The following FAM135B variants were observed in gnomAD, a reference collection of about 807,000 sequenced individuals.
FAM135B encodes the protein protein FAM135B.
A neutral mutation model predicts 127.7 loss-of-function variants in FAM135B; 43 were observed. That is an observed-to-expected ratio of 0.34 (90% CI 0.26 to 0.43). FAM135B has a LOEUF of 0.43. FAM135B is among the 20% of genes least tolerant of loss of function. The pLI is 1.00. For synonymous variants in FAM135B, 670 were observed against 665.1 expected, an observed-to-expected ratio of 1.01 and a Z score of -0.11; for missense variants, 1,558 against 1,725.6, an observed-to-expected ratio of 0.90 and a Z score of 1.72.
At chr8:138,135,985 G>A (rs1412817375) in intron 19 of FAM135B, among the ~76,000 whole-genome samples, 4 of 151,880 alleles carry the variant, frequency 2.6e-5, no homozygotes, top group Non-Finnish European at 5.9e-5. Context: ...TGATAGAGGT[G>A]GAGTTAGAAA....
intron 2 of FAM135B, among the ~76,000 whole-genome samples, chr8:138,366,915 C>T (rs1413163342): frequency 1.3e-5 from 2 of 152,064 alleles, no homozygotes; most frequent in African/African-American, 2.4e-5. Flanking sequence ...TTGTGTATTT[C>T]CCCTCTTGAT....
chr8:138,258,229 T>G (rs576883901), intron 4 of FAM135B, among the ~76,000 whole-genome samples: 17 of 152,376 alleles, frequency 1.1e-4, no homozygotes, highest in African/African-American at 3.8e-4. Context: ...TTGGTTTTTG[T>G]TTCTTTGCAA....
intron 2 of FAM135B, among the ~76,000 whole-genome samples, chr8:138,347,974 T>G (rs1449021559): frequency 2.6e-5 from 4 of 152,026 alleles, no homozygotes; most frequent in Non-Finnish European, 5.9e-5. Flanking sequence ...ACAGTAAATG[T>G]TCAGTGACTG....
chr8:138,155,692 A>T lies in FAM135B; in HGVS notation c.1259-2476T>A, dbSNP rs928185332. Among the ~76,000 whole-genome samples the T allele has an allele frequency of 5.9e-5, 9 of 152,212 alleles. 1 individual carries two copies. The highest frequency in any genetic ancestry group is 4.1e-4 in the South Asian group (2 of 4,830). On this transcript the variant is annotated intron_variant, in intron 12 of 19. Coordinates refer to ENST00000395297, the MANE Select transcript of FAM135B (RefSeq NM_015912.4). The stretch of plus-strand genomic sequence containing the variant: ...TTTAAACCAACAAAGACCAAAAAAG[A>T]CAAAGAAAGCCATTACATAATGGTA...
At chr8:138,384,558 T>C (rs17667231) in intron 1 of FAM135B, among the ~76,000 whole-genome samples, 24,606 of 151,950 alleles carry the variant, frequency 0.16, 2,328 homozygotes, top group Non-Finnish European at 0.22. Flanking sequence ...GGGGCAAGAC[T>C]ATCTGCTCCC....
chr8:138,480,411 T>C (rs1458610595), intron 1 of FAM135B, among the ~76,000 whole-genome samples: 4 of 152,186 alleles, frequency 2.6e-5, no homozygotes, highest in African/African-American at 9.7e-5. Context: ...GGTTGTATAA[T>C]AAAATCCTAA....
intron 1 of FAM135B, among the ~76,000 whole-genome samples, chr8:138,397,384 C>T (rs1032219152): frequency 2.6e-5 from 4 of 152,134 alleles, no homozygotes; most frequent in African/African-American, 7.2e-5. Flanking sequence ...TATGAGGTTT[C>T]CTTTTAGAGT....
chr8:138,301,221 C>T (rs940455105), intron 3 of FAM135B, among the ~76,000 whole-genome samples: 1 of 152,136 alleles, frequency 6.6e-6, no homozygotes, highest in African/African-American at 2.4e-5. Flanking sequence ...CAGAACAGTT[C>T]TCCCCACACT....
chr8:138,192,705 T>A (rs74759759), intron 9 of FAM135B, among the ~76,000 whole-genome samples: 1,554 of 152,266 alleles, frequency 0.01, 8 homozygotes, highest in Non-Finnish European at 0.016. Flanking sequence ...TGGCCCCTAC[T>A]CAGCAAATTA....
chr8:138,143,347 T>A (rs1236499988), intron 15 of FAM135B, among the ~76,000 whole-genome samples: 1 of 152,142 alleles, frequency 6.6e-6, no homozygotes, highest in East Asian at 1.9e-4. Context: ...GACACTGAAG[T>A]AGCAAGCTTG....
At chr8:138,223,161 T>A (rs1436962729) in intron 7 of FAM135B, among the ~76,000 whole-genome samples, 1 of 152,202 alleles carries the variant, frequency 6.6e-6, no homozygotes, top group Non-Finnish European at 1.5e-5. Context: ...CAGTGGTGAT[T>A]TCTCCCTCTA....
Position 138,167,902 on chromosome 8 carries a change from A to G in FAM135B, c.1251T>C (p.Pro417=), listed in dbSNP as rs1283157158. The change falls in exon 12 of 20, where the codon CCT becomes CCC. Residue 417 remains proline, a synonymous_variant. Coordinates refer to ENST00000395297, the MANE Select transcript of FAM135B (RefSeq NM_015912.4). ...AAAACAAAACAGACAAACCTGTCGC[A>G]GGGCAGTCCACGTATCTGTCCTCAA... ...VIFEDRYVDC[P]ATGHNLSVYP... 1.2e-6 allele frequency: 2 copies of G among 1,610,336 alleles called. No homozygotes were observed. The highest frequency in any genetic ancestry group is 2.2e-5 in the East Asian group (1 of 44,612).
In FAM135B at chr8:138,153,048, A is replaced by C; in HGVS notation, c.1427T>G (p.Val476Gly). Reference protein sequence around the residue: ...KPSQMDSDEEVIRCPEPGENV... With the variant: ...KPSQMDSDEEGIRCPEPGENV... ...CTCACCTGGCTCTGGACACCTTATAACTTCTTCATCAGAATCCATTTGGGA... is the reference window on the plus strand; with the variant it reads ...CTCACCTGGCTCTGGACACCTTATACCTTCTTCATCAGAATCCATTTGGGA... The change falls in exon 13 of 20, where the codon GTT becomes GGT. Residue 476 changes from valine to glycine, a missense_variant. Around this residue, in one of 5 missense-constraint regions of FAM135B, gnomAD observed 923 missense variants for 865.3 expected, o/e 1.07. Coordinates refer to ENST00000395297, the MANE Select transcript of FAM135B (RefSeq NM_015912.4). The C allele has an allele frequency of 6.2e-7, 1 of 1,614,152 alleles. No individual in the cohort carries two copies. Among genetic ancestry groups the C allele is most frequent in the Non-Finnish European group, 8.5e-7 (1 of 1,180,028 alleles).
Position 138,339,358 on chromosome 8 carries a change from A to AATAT in FAM135B, c.78-28442_78-28439dup, listed in dbSNP as rs143774221. Among the ~76,000 whole-genome samples, 1,366 of 147,686 alleles carry AATAT rather than the reference A, an allele frequency of 9.2e-3. 26 individuals are homozygous for AATAT. Among genetic ancestry groups the AATAT allele is most frequent in the African/African-American group, 0.033 (1,273 of 39,068 alleles). Reference sequence around the variant, plus strand: ...TGCATCCTGTTTAAAAAACTAACTAAATATATATATATATATATATATATA... The same window carrying AATAT: ...TGCATCCTGTTTAAAAAACTAACTAAATATATATATATATATATATATATATATA... On this transcript the variant is annotated intron_variant, in intron 2 of 19. Coordinates refer to ENST00000395297, the MANE Select transcript of FAM135B (RefSeq NM_015912.4).
chr8:138,472,932 C>T (rs1386132559), intron 1 of FAM135B, among the ~76,000 whole-genome samples: 1 of 152,120 alleles, frequency 6.6e-6, no homozygotes, highest in Admixed American at 6.5e-5. Flanking sequence ...AAATGGAGCA[C>T]ATTTTATCTG....
At chr8:138,470,465 A>G (rs951241340) in intron 1 of FAM135B, among the ~76,000 whole-genome samples, 7 of 152,154 alleles carry the variant, frequency 4.6e-5, no homozygotes, top group Non-Finnish European at 8.8e-5. Flanking sequence ...CTTGCGGATG[A>G]TATTTTTATA....
chr8:138,414,460 G>A (rs1266193562), intron 1 of FAM135B, among the ~76,000 whole-genome samples: 6 of 151,998 alleles, frequency 3.9e-5, no homozygotes, highest in Non-Finnish European at 7.4e-5. Flanking sequence ...CTTCATTCCC[G>A]AAACACCCCC....
At chr8:138,161,174 T>C (rs1318303066) in intron 12 of FAM135B, among the ~76,000 whole-genome samples, 1 of 152,186 alleles carries the variant, frequency 6.6e-6, no homozygotes, top group Non-Finnish European at 1.5e-5. Context: ...CAAGCTTGAA[T>C]TCTATTCAGA....
intron 7 of FAM135B, among the ~76,000 whole-genome samples, chr8:138,206,436 TCATCCCCTCCATCTACACACAACTCCAG>T (rs1817622813): frequency 1.6e-4 from 23 of 145,496 alleles, no homozygotes; most frequent in East Asian, 6.6e-4. Flanking sequence ...CACAGCTCTA[TCATCCCCTCCATCTACACACAACTCCAG>T]CATCCCCTCC....
Sources: gnomAD v4.1 joint callset for allele counts (sites outside exome capture counted in the v4.1 genomes callset) on GRCh38, gnomAD v4.1.1 for gene constraint, gnomAD v4.1.1 regional missense constraint, MANE v1.5 for transcripts, NCBI Gene and HGNC (gene_info 2026-07-23, HGNC 2026-07-21) for gene names.